The following CMBL variants were observed in gnomAD, a reference collection of about 807,000 sequenced individuals.
CMBL encodes the protein carboxymethylenebutenolidase homolog (Pseudomonas).
CMBL carries 17 observed loss-of-function variants against 28.7 expected under a neutral mutation model. The ratio of observed to expected loss-of-function variants is 0.59; its 90% CI spans 0.41 to 0.89. The LOEUF (loss-of-function observed/expected upper bound fraction) is 0.89. Among genes scored for constraint, CMBL ranks in the 40% least tolerant of loss-of-function variants. The probability of loss-of-function intolerance (pLI) is 0.00; values close to 1 mark genes in which losing one functional copy is unlikely to be tolerated. For synonymous variants in CMBL, 106 were observed against 101.6 expected (o/e 1.04, Z -0.26); for missense variants, 310 against 298.5 (o/e 1.04, Z -0.28).
intron 1 of CMBL, among the ~76,000 whole-genome samples, chr5:10,291,044 G>A (rs1243905639): frequency 1.3e-5 from 2 of 152,132 alleles, no homozygotes; most frequent in African/African-American, 2.4e-5. Context: ...TCTTCAGGGG[G>A]CAGGATCGGA....
intron 2 of CMBL, 123 bp downstream of exon 2, chr5:10,290,424 GA>G: frequency 2.7e-6 from 2 of 746,508 alleles, no homozygotes; most frequent in Non-Finnish European, 4.4e-6. Context: ...GTGAGATAGG[GA>G]AGTTTCTAAT....
chr5:10,290,171 A>T (rs1331284525), intron 2 of CMBL, among the ~76,000 whole-genome samples: 1 of 152,226 alleles, frequency 6.6e-6, no homozygotes, highest in Non-Finnish European at 1.5e-5. Context: ...ATGGGCCGTG[A>T]AATCTGACAC....
At chr5:10,297,439 G>A (rs1253487656) in intron 1 of CMBL, among the ~76,000 whole-genome samples, 1 of 151,486 alleles carries the variant, frequency 6.6e-6, no homozygotes, top group Non-Finnish European at 1.5e-5. Context: ...GCAGGGTGGT[G>A]GATGCCTATT....
chr5:10,304,403 C>A (rs997931749), intron 1 of CMBL, among the ~76,000 whole-genome samples: 10 of 152,110 alleles, frequency 6.6e-5, no homozygotes, highest in African/African-American at 2.4e-4. Flanking sequence ...TTTAAAAATT[C>A]ATAACCCCTC....
intron 1 of CMBL, among the ~76,000 whole-genome samples, chr5:10,303,118 C>T (rs1014479513): frequency 1.3e-5 from 2 of 152,188 alleles, no homozygotes; most frequent in Non-Finnish European, 2.9e-5. Context: ...TAATTTAACT[C>T]TTTCAACCAA....
intron 1 of CMBL, among the ~76,000 whole-genome samples, chr5:10,296,932 C>T (rs1244014245): frequency 6.6e-6 from 1 of 152,166 alleles, no homozygotes; most frequent in Non-Finnish European, 1.5e-5. Flanking sequence ...CGCCTGTAAT[C>T]CCAGCACTTT....
chr5:10,284,525 T>G (rs1278787654), intron 4 of CMBL, among the ~76,000 whole-genome samples: 1 of 152,228 alleles, frequency 6.6e-6, no homozygotes, highest in Non-Finnish European at 1.5e-5. Context: ...GTTCCCCAAG[T>G]ACCCAGACAA....
intron 4 of CMBL, among the ~76,000 whole-genome samples, chr5:10,284,717 C>T (rs1296009869): frequency 6.6e-6 from 1 of 152,188 alleles, no homozygotes; most frequent in Non-Finnish European, 1.5e-5. Flanking sequence ...GCATTTTCGA[C>T]TTGAGATATT....
chr5:10,288,430 C>T lies in CMBL; in HGVS notation c.315G>A (p.Lys105=), dbSNP rs1373338446. The T allele has an allele frequency of 6.2e-7, 1 of 1,613,348 alleles. No homozygotes were observed. Among genetic ancestry groups the T allele is most frequent in the Non-Finnish European group, 8.5e-7 (1 of 1,179,364 alleles). ...PEWLKTRNAQ[K]IDREISAILK... ...GTCTGCGGATAACTCACCTATCGAT[C>T]TTCTGGGCATTTCTTGTTTTCAGCC... The change falls in exon 3 of 6, where the codon AAG becomes AAA. Residue 105 remains lysine (K), a synonymous_variant. Transcript: ENST00000296658.
intron 1 of CMBL, chr5:10,291,900 C>G (rs937574372): frequency 1.3e-5 from 2 of 152,024 alleles, no homozygotes; most frequent in Non-Finnish European, 2.9e-5. Flanking sequence ...CACAAGGAGG[C>G]GATCCAAATA....
chr5:10,300,436 A>G (rs1349312613), intron 1 of CMBL, among the ~76,000 whole-genome samples: 2 of 152,208 alleles, frequency 1.3e-5, no homozygotes, highest in African/African-American at 4.8e-5. Context: ...GCCCTAGAAA[A>G]CAAATACATT....
At chr5:10,307,314 C>T (rs1171829501) in intron 1 of CMBL, 1 of 152,176 alleles carries the variant, frequency 6.6e-6, no homozygotes, top group African/African-American at 2.4e-5. Context: ...TGCTAAATGG[C>T]CAAAACGAAC....
intron 1 of CMBL, among the ~76,000 whole-genome samples, chr5:10,296,462 G>C (rs2126557229): frequency 6.6e-6 from 1 of 152,244 alleles, no homozygotes; most frequent in Middle Eastern, 3.4e-3. Flanking sequence ...TGTATTTTTG[G>C]TAGAGATGGG....
At chr5:10,282,828 A>T (rs1019318040) in intron 4 of CMBL, among the ~76,000 whole-genome samples, 1 of 152,072 alleles carries the variant, frequency 6.6e-6, no homozygotes, top group African/African-American at 2.4e-5. Flanking sequence ...GCAGTGACTC[A>T]AGCCTGTAAT....
At chr5:10,285,170 AT>A (rs1460943052) in intron 4 of CMBL, among the ~76,000 whole-genome samples, 1 of 151,044 alleles carries the variant, frequency 6.6e-6, no homozygotes, top group Non-Finnish European at 1.5e-5. Context: ...CACCCAAGTA[AT>A]TTTTTTCTTT....
rs1746701580 is a variant in CMBL at position 10,290,878 on chromosome 5, C to A, written c.-19-97G>T. ...CAAATCAAGATTATAGAAAAAAATTCATTTTAGCTACATCTATGGTATTAT... is the reference window on the plus strand; with the variant it reads ...CAAATCAAGATTATAGAAAAAAATTAATTTTAGCTACATCTATGGTATTAT... On this transcript the variant is annotated intron_variant, in intron 1 of 5. Transcript: ENST00000296658. 6 of 892,308 alleles carry A rather than the reference C, an allele frequency of 6.7e-6. No homozygotes were observed. In the South Asian group the frequency reaches 8.3e-5, roughly 12 times the overall value. 55.3% of individuals were successfully genotyped at this position (892,308 alleles called of 1,614,324 possible).
In CMBL at chr5:10,289,818, A is replaced by G. The variant is rs559981773; in HGVS notation, c.215+730T>C. Among the ~76,000 whole-genome samples the G allele has an allele frequency of 1.3e-5, 2 of 152,308 alleles. No individual in the cohort carries two copies. The highest frequency in any genetic ancestry group is 4.8e-5 in the African/African-American group (2 of 41,560). Reference sequence around the variant, plus strand: ...CTTTAAGCCAGTTTCTCTTCCTAGAAAAACAAGGTAGGCTCATCCTCGGGT... The same window carrying G: ...CTTTAAGCCAGTTTCTCTTCCTAGAGAAACAAGGTAGGCTCATCCTCGGGT... On this transcript the variant is annotated intron_variant, in intron 2 of 5. Coordinates refer to ENST00000296658, the MANE Select transcript of CMBL (RefSeq NM_138809.4). This position sits in a 1 kb window ranked among gnomAD's most constrained non-coding sequence, Gnocchi z 4.3.
At chr5:10,301,466 C>T (rs543964385) in intron 1 of CMBL, among the ~76,000 whole-genome samples, 1 of 151,726 alleles carries the variant, frequency 6.6e-6, no homozygotes, top group East Asian at 1.9e-4. Flanking sequence ...CACAATACAG[C>T]GATCATCAAC....
In CMBL at chr5:10,282,300, GCA is replaced by G. The variant is rs776837987; in HGVS notation, c.467-14_467-13del. On this transcript the variant is annotated splice_polypyrimidine_tract_variant and intron_variant, in intron 4 of 5. Transcript: ENST00000296658. The stretch of plus-strand genomic sequence containing the variant: ...ATCCTTGACAATGCCTGAAAAACAA[GCA>G]CAGAGGCATGATGTCTGATCCCCAC... 51 of 1,500,090 alleles carry G rather than the reference GCA, an allele frequency of 3.4e-5. No homozygotes were observed. The highest frequency in any genetic ancestry group is 1.7e-4 in the Middle Eastern group (1 of 5,870). 92.9% of individuals were successfully genotyped at this position (1,500,090 alleles called of 1,614,324 possible). A position where few individuals can be genotyped will look rare whatever the true frequency, so the allele number is the denominator to read the frequency against.
Sources: allele counts gnomAD v4.1 joint callset (sites outside exome capture counted in the v4.1 genomes callset), GRCh38; gene constraint gnomAD v4.1.1; non-coding constraint Gnocchi (gnomAD v3.1); transcripts MANE v1.5; gene names NCBI Gene and HGNC (gene_info 2026-07-23, HGNC 2026-07-21).